The following ENO4 variants were observed in gnomAD, a reference collection of about 807,000 sequenced individuals.
ENO4 encodes the protein 2-phospho-D-glycerate hydro-lyase.
Under a neutral mutation model 63.2 loss-of-function variants are expected in ENO4, and 53 were observed. That is an observed-to-expected ratio of 0.84 (90% CI 0.67 to 1.05). ENO4 has a LOEUF of 1.05. Among genes scored for constraint, ENO4 ranks in the 50% least tolerant of loss-of-function variants. The pLI is 0.00. For missense variants in ENO4, 719 were observed against 772.0 expected, an observed-to-expected ratio of 0.93 and a Z score of 0.81; for synonymous variants, 266 against 283.8, an observed-to-expected ratio of 0.94 and a Z score of 0.63.
At chr10:116,849,909 G>GAGATCCCTTCACCCC in intron 1 of ENO4, 178 bp downstream of exon 1, 2 of 772,318 alleles carry the variant, frequency 2.6e-6, no homozygotes, top group Non-Finnish European at 4.5e-6. Context: ...ACACCCAGGG[G>GAGATCCCTTCACCCC]TGAAGGGATC....
At chr10:116,852,760 G>C (rs1444631940) in intron 1 of ENO4, among the ~76,000 whole-genome samples, 4 of 152,150 alleles carry the variant, frequency 2.6e-5, no homozygotes, top group African/African-American at 9.7e-5. Flanking sequence ...GATATCCTGT[G>C]AGAAAGATAG....
intron 11 of ENO4, among the ~76,000 whole-genome samples, chr10:116,877,573 A>G (rs140261457): frequency 6.1e-4 from 93 of 152,220 alleles, no homozygotes; most frequent in African/African-American, 2.1e-3. Flanking sequence ...ACTAACATGC[A>G]GCATGAGGAA....
chr10:116,870,590 C>T (rs1434114702), intron 8 of ENO4, among the ~76,000 whole-genome samples: 1 of 152,120 alleles, frequency 6.6e-6, no homozygotes, highest in Non-Finnish European at 1.5e-5. Flanking sequence ...TGCAGAGCCA[C>T]GTTCAAGCCA....
rs1202426484 is a variant in ENO4 at position 116,881,681 on chromosome 10, C to G, written c.*12C>G. On this transcript the variant is annotated 3_prime_UTR_variant, in exon 14 of 14. Coordinates refer to ENST00000341276, the MANE Select transcript of ENO4 (RefSeq NM_001242699.2). ...CATCCTCTGGATAGGGCTGTACACA[C>G]CCCAGGTTCCAGCCACACCATCAGT... The G allele has an allele frequency of 8.1e-6, 12 of 1,476,506 alleles. No individual in the cohort carries two copies. Among genetic ancestry groups the G allele is most frequent in the East Asian group, 7.7e-5 (3 of 38,798 alleles). 91.5% of individuals were successfully genotyped at this position (1,476,506 alleles called of 1,614,324 possible).
intron 1 of ENO4, among the ~76,000 whole-genome samples, chr10:116,854,616 A>T (rs985961715): frequency 6.6e-6 from 1 of 150,848 alleles, no homozygotes. Context: ...TGAATGCGTC[A>T]TGGTGTTCTA....
chr10:116,888,550 ATCTC>A (rs954142144), intron 10 of ENO4, among the ~76,000 whole-genome samples: 1 of 152,118 alleles, frequency 6.6e-6, no homozygotes, highest in Non-Finnish European at 1.5e-5. Flanking sequence ...AGCTGCACCT[ATCTC>A]TCTCTCACAA....
chr10:116,851,745 C>T (rs771275741), intron 1 of ENO4, among the ~76,000 whole-genome samples: 8 of 151,952 alleles, frequency 5.3e-5, no homozygotes, highest in Admixed American at 2.6e-4. Flanking sequence ...ACAGGCGCAT[C>T]TCCCACTCCC....
Position 116,881,505 on chromosome 10 carries a change from C to T in ENO4, c.1724-10C>T, listed in dbSNP as rs753577106. On this transcript the variant is annotated splice_polypyrimidine_tract_variant and intron_variant, in intron 13 of 13. Coordinates refer to ENST00000341276, the MANE Select transcript of ENO4 (RefSeq NM_001242699.2). ...GATTAGACAGTAAACTTTATTGTTA[C>T]TTTAAATAGGTTTCAAAGAAGAACA... is the stretch of plus-strand genomic sequence containing the variant. 1.3e-6 allele frequency: 2 copies of T among 1,530,976 alleles called. No individual in the cohort carries two copies. The highest frequency in any genetic ancestry group is 1.8e-6 in the Non-Finnish European group (2 of 1,139,250). 94.8% of individuals were successfully genotyped at this position (1,530,976 alleles called of 1,614,324 possible).
intron 10 of ENO4, chr10:116,906,652 C>CT (rs1439611419): frequency 1.9e-6 from 3 of 1,613,248 alleles, no homozygotes. Context: ...CTGCTGTCAC[C>CT]TTTCTGCGAC....
rs116902747 is a variant in ENO4, at chr10:116,876,959, A to C, written c.1537+699A>C. ...GGGAGACTCCGTCTCAAAATTAATT[A>C]ATTAATTAATTAATTAATTTACAGA... On this transcript the variant is annotated intron_variant, in intron 11 of 13. Coordinates refer to ENST00000341276, the MANE Select transcript of ENO4 (RefSeq NM_001242699.2). 2.5e-3 allele frequency among the ~76,000 whole-genome samples: 385 copies of C among 151,936 alleles called. 8 individuals carry two copies. In the East Asian group the frequency reaches 0.067, roughly 27 times the overall value.
At chr10:116,872,472 T>C (rs1416315935) in intron 9 of ENO4, among the ~76,000 whole-genome samples, 2 of 152,026 alleles carry the variant, frequency 1.3e-5, no homozygotes, top group African/African-American at 4.8e-5. Flanking sequence ...CTAGATCTGA[T>C]GGTTTTATAA....
intron 10 of ENO4, among the ~76,000 whole-genome samples, chr10:116,896,798 G>A (rs1433158656): frequency 4.1e-5 from 6 of 147,402 alleles, no homozygotes; most frequent in African/African-American, 1.5e-4. Context: ...CTGTGATCAG[G>A]TACTTTTTTT....
chr10:116,905,757 C>T (rs552613906), intron 10 of ENO4, among the ~76,000 whole-genome samples: 40 of 152,270 alleles, frequency 2.6e-4, no homozygotes, highest in Middle Eastern at 3.4e-3. Context: ...CCATTAGCTG[C>T]GATTGCTGAT....
intron 10 of ENO4, among the ~76,000 whole-genome samples, chr10:116,898,767 A>T (rs1564864677): frequency 6.6e-6 from 1 of 152,152 alleles, no homozygotes; most frequent in Non-Finnish European, 1.5e-5. Flanking sequence ...ACAAACAAAA[A>T]AAACACCCTT....
intron 10 of ENO4, among the ~76,000 whole-genome samples, chr10:116,907,227 GCGT>G (rs2133337899): frequency 6.6e-6 from 1 of 152,256 alleles, no homozygotes; most frequent in African/African-American, 2.4e-5. Flanking sequence ...GATGTCCGTG[GCGT>G]CGTAGCTGTC....
intron 10 of ENO4, among the ~76,000 whole-genome samples, chr10:116,889,167 A>G (rs1183823475): frequency 6.6e-6 from 1 of 152,244 alleles, no homozygotes; most frequent in Non-Finnish European, 1.5e-5. Flanking sequence ...GGTGGTGCAC[A>G]GATCCTAGAA....
intron 10 of ENO4, among the ~76,000 whole-genome samples, chr10:116,907,397 T>A (rs1365433745): frequency 3.3e-5 from 5 of 152,170 alleles, no homozygotes; most frequent in African/African-American, 1.2e-4. Context: ...ACAGTTAATG[T>A]ATTATTCAGG....
At chr10:116,857,110 G>C (rs926235398) in intron 3 of ENO4, among the ~76,000 whole-genome samples, 3 of 152,120 alleles carry the variant, frequency 2.0e-5, no homozygotes, top group Non-Finnish European at 1.5e-5. Context: ...AAGCGTATGT[G>C]AAAGCAGCAA....
intron 1 of ENO4, among the ~76,000 whole-genome samples, chr10:116,854,750 C>G (rs750464223): frequency 2.0e-5 from 3 of 150,946 alleles, no homozygotes; most frequent in Non-Finnish European, 4.4e-5. Flanking sequence ...TGAGACCAGC[C>G]TGAGCAACAT....
Sources: gnomAD v4.1 joint callset for allele counts (sites outside exome capture counted in the v4.1 genomes callset) on GRCh38, gnomAD v4.1.1 for gene constraint, MANE v1.5 for transcripts, NCBI Gene and HGNC (gene_info 2026-07-23, HGNC 2026-07-21) for gene names.